GALNTL6: variants seen among roughly 807,000 people sequenced by gnomAD.
GALNTL6 encodes polypeptide N-acetylgalactosaminyltransferase-like 6.
GALNTL6 carries 46 observed loss-of-function variants against 73.7 expected under a neutral mutation model. The ratio of observed to expected loss-of-function variants is 0.62; its 90% CI spans 0.49 to 0.80. The LOEUF (loss-of-function observed/expected upper bound fraction) is 0.80. GALNTL6 is among the 30% of genes least tolerant of loss of function. The pLI is 0.00. For synonymous variants in GALNTL6, 259 were observed against 263.7 expected, an observed-to-expected ratio of 0.98 and a Z score of 0.17; for missense variants, 604 against 755.0, an observed-to-expected ratio of 0.80 and a Z score of 2.34.
chr4:172,699,805 TA>T (rs1316213458), intron 5 of GALNTL6, among the ~76,000 whole-genome samples: 4 of 132,386 alleles, frequency 3.0e-5, no homozygotes, highest in African/African-American at 9.0e-5. Context: ...ATTGATGTAT[TA>T]CAAAAAGAAA....
At chr4:172,156,250 C>G (rs1434499140) in intron 2 of GALNTL6, among the ~76,000 whole-genome samples, 1 of 152,056 alleles carries the variant, frequency 6.6e-6, no homozygotes, top group Admixed American at 6.6e-5. Flanking sequence ...AGCTTTCTTC[C>G]TGTTTCTGCT....
At chr4:171,887,923 A>G (rs1451943685) in intron 2 of GALNTL6, among the ~76,000 whole-genome samples, 1 of 152,214 alleles carries the variant, frequency 6.6e-6, no homozygotes, top group Non-Finnish European at 1.5e-5. Flanking sequence ...GTCATAGTAT[A>G]CCTATAGCTG....
chr4:172,295,423 GA>G (rs11406771), intron 3 of GALNTL6, among the ~76,000 whole-genome samples: 3 of 144,662 alleles, frequency 2.1e-5, no homozygotes, highest in African/African-American at 7.6e-5. Flanking sequence ...CTCCATTTAA[GA>G]AAAAAAAAAA....
intron 9 of GALNTL6, among the ~76,000 whole-genome samples, chr4:172,939,142 TA>T (rs1405533401): frequency 2.6e-5 from 4 of 151,700 alleles, no homozygotes; most frequent in African/African-American, 9.7e-5. Context: ...TTTTTTTTTT[TA>T]AAGTTACCTG....
At chr4:172,260,450 A>G (rs567881012) in intron 3 of GALNTL6, among the ~76,000 whole-genome samples, 1 of 151,748 alleles carries the variant, frequency 6.6e-6, no homozygotes, top group East Asian at 1.9e-4. Flanking sequence ...GTGTACATTG[A>G]TTTTGTATCC....
chr4:172,738,834 G>T (rs1033970425), intron 5 of GALNTL6, among the ~76,000 whole-genome samples: 2 of 152,132 alleles, frequency 1.3e-5, no homozygotes, highest in African/African-American at 4.8e-5. Flanking sequence ...ACTCAAAGCA[G>T]GTGGGTCGGG....
chr4:172,219,199 G>GTGTATATATATATATATATA (rs1310041553), intron 2 of GALNTL6, among the ~76,000 whole-genome samples: 5 of 116,204 alleles, frequency 4.3e-5, no homozygotes, highest in Admixed American at 9.1e-5. Flanking sequence ...TTAAGCAAGT[G>GTGTATATATATATATATATA]TATATATATA....
chr4:172,386,367 C>A (rs1743470826), intron 5 of GALNTL6, among the ~76,000 whole-genome samples: 1 of 151,996 alleles, frequency 6.6e-6, no homozygotes, highest in Admixed American at 6.6e-5. Context: ...TTTAAGATGA[C>A]CATCTTCTCA....
intron 3 of GALNTL6, among the ~76,000 whole-genome samples, chr4:172,303,659 CAGTT>C (rs1362406614): frequency 6.6e-6 from 1 of 152,170 alleles, no homozygotes; most frequent in Non-Finnish European, 1.5e-5. Context: ...TGTATTATCT[CAGTT>C]ACTTTTGTTT....
At chr4:172,807,020 C>T (rs1741000417) in intron 5 of GALNTL6, among the ~76,000 whole-genome samples, 1 of 152,192 alleles carries the variant, frequency 6.6e-6, no homozygotes. Flanking sequence ...ATTGGTCACT[C>T]ATCGCTTAGT....
At chr4:172,990,872 A>T (rs1051664169) in intron 10 of GALNTL6, among the ~76,000 whole-genome samples, 8 of 152,210 alleles carry the variant, frequency 5.3e-5, no homozygotes, top group Admixed American at 1.3e-4. Context: ...TTTATAACAC[A>T]TTTCTATGAA....
intron 3 of GALNTL6, among the ~76,000 whole-genome samples, chr4:172,245,218 A>G (rs1470510214): frequency 6.6e-6 from 1 of 152,156 alleles, no homozygotes; most frequent in African/African-American, 2.4e-5. Context: ...AAATGAGGCC[A>G]AAATGTAAAT....
intron 5 of GALNTL6, among the ~76,000 whole-genome samples, chr4:172,517,781 T>G (rs1235334425): frequency 6.6e-6 from 1 of 152,038 alleles, no homozygotes; most frequent in African/African-American, 2.4e-5. Flanking sequence ...AGGGACCAAA[T>G]AGAGTACAAA....
chr4:172,267,527 G>A (rs547633566), intron 3 of GALNTL6, among the ~76,000 whole-genome samples: 1 of 152,146 alleles, frequency 6.6e-6, no homozygotes, highest in East Asian at 1.9e-4. Flanking sequence ...GAGAATCATG[G>A]AAGCGTCTAT....
At chr4:172,551,486 C>A (rs1024817977) in intron 5 of GALNTL6, among the ~76,000 whole-genome samples, 1 of 152,000 alleles carries the variant, frequency 6.6e-6, no homozygotes, top group African/African-American at 2.4e-5. Flanking sequence ...TCATAAAATT[C>A]ATCTTTCTGT....
At chr4:171,976,534 T>C (rs1739726800) in intron 2 of GALNTL6, among the ~76,000 whole-genome samples, 1 of 152,210 alleles carries the variant, frequency 6.6e-6, no homozygotes, top group African/African-American at 2.4e-5. Flanking sequence ...CACTGAATAC[T>C]TCTAATGAGC....
rs1325296010 is a variant in GALNTL6 at position 172,068,053 on chromosome 4, T to C, written c.139-161603T>C. On this transcript the variant is annotated intron_variant, in intron 2 of 12. Transcript: ENST00000506823. ...ATCCAACAGGTTTTTGTTGTTGTTG[T>C]TGTTTTTCCTGGACTGTGCTTCTTC... 1.8e-5 allele frequency among the ~76,000 whole-genome samples: 2 copies of C among 108,472 alleles called. 1 individual carries two copies. The highest frequency in any genetic ancestry group is 4.1e-5 in the Non-Finnish European group (2 of 48,866). The allele number at this position is 108,472 out of a possible 152,430, so 71.2% of individuals were successfully genotyped here. A position where few individuals can be genotyped will look rare whatever the true frequency, so the allele number is the denominator to read the frequency against.
At chr4:172,660,008 C>T (rs982430375) in intron 5 of GALNTL6, among the ~76,000 whole-genome samples, 1 of 152,338 alleles carries the variant, frequency 6.6e-6, no homozygotes, top group Non-Finnish European at 1.5e-5. Flanking sequence ...GACCTATGTA[C>T]TTCACCACTG....
intron 5 of GALNTL6, among the ~76,000 whole-genome samples, chr4:172,413,097 C>T (rs1744505668): frequency 6.6e-6 from 1 of 152,176 alleles, no homozygotes; most frequent in African/African-American, 2.4e-5. Flanking sequence ...AGAAGTGAAT[C>T]ACATAACTAT....
Sources: gnomAD v4.1 joint callset for allele counts (sites outside exome capture counted in the v4.1 genomes callset) on GRCh38, gnomAD v4.1.1 for gene constraint, MANE v1.5 for transcripts, NCBI Gene and HGNC (gene_info 2026-07-23, HGNC 2026-07-21) for gene names.